SCNN1D: variants seen among roughly 807,000 people sequenced by gnomAD.
SCNN1D encodes the protein epithelial sodium channel subunit delta.
A neutral mutation model predicts 87.8 loss-of-function variants in SCNN1D; 104 were observed. That is an observed-to-expected ratio of 1.18 (90% CI 1.01 to 1.39). SCNN1D has a LOEUF of 1.39. Ranked by LOEUF, SCNN1D falls within the 40% of genes most tolerant of loss-of-function variation. SCNN1D has a pLI of 0.00. For missense variants in SCNN1D, 1,324 were observed against 1,093.9 expected (o/e 1.21, Z -2.97); for synonymous variants, 628 against 481.2 (o/e 1.31, Z -3.99).
intron 12 of SCNN1D, among the ~76,000 whole-genome samples, 185 bp downstream of exon 12, chr1:1,288,222 C>CCCGTGTCTCTGCTCCATTCCCT (rs1491260260): frequency 7.7e-6 from 1 of 129,502 alleles, no homozygotes; most frequent in African/African-American, 2.9e-5. Flanking sequence ...TGCTCCGTCC[C>CCCGTGTCTCTGCTCCATTCCCT]GTGTCTCTGC....
At position 1,281,595 on chromosome 1, in the gene SCNN1D, CAG is replaced by C; in HGVS notation, c.263_264del (p.Gln88ArgfsTer8). 6.5e-7 allele frequency: 1 copy of C among 1,535,626 alleles called. No homozygotes were observed. The highest frequency in any genetic ancestry group is 8.7e-7 in the Non-Finnish European group (1 of 1,146,696). On this transcript the variant is annotated frameshift_variant, in exon 3 of 18. Transcript: ENST00000379116. LOFTEE classifies it high-confidence loss of function. ...YPLCLLSGPI[Q>X]GCGTGLGDSS... The stretch of plus-strand genomic sequence containing the variant: ...CCTCTGCCTACTCTCTGGCCCGATA[CAG>C]GGGTGTGGGACAGGTGACTGAACCT...
At chr1:1,285,536 C>A in intron 5 of SCNN1D, 35 bp from the exon 6 acceptor site, 1 of 1,386,242 alleles carries the variant, frequency 7.2e-7, no homozygotes. Context: ...CCACGCGGGG[C>A]GCATGGACAC....
In SCNN1D at chr1:1,280,596, C is replaced by A; in HGVS notation, c.-66C>A. 1 of 691,850 alleles carries A rather than the reference C, an allele frequency of 1.4e-6. No individual in the cohort carries two copies. The highest frequency in any genetic ancestry group is 2.6e-6 in the Non-Finnish European group (1 of 377,438). 42.9% of individuals were successfully genotyped at this position (691,850 alleles called of 1,614,324 possible). A position where few individuals can be genotyped will look rare whatever the true frequency, so the allele number is the denominator to read the frequency against. ...CCTCAGAGAGAATCAACTATAAATGCTTCTCATCAGACTCAAGGCCTGAGG... is the reference window on the plus strand; with the variant it reads ...CCTCAGAGAGAATCAACTATAAATGATTCTCATCAGACTCAAGGCCTGAGG... On this transcript the variant is annotated 5_prime_UTR_variant, in exon 1 of 18. Transcript: ENST00000379116.
rs375452225 is a variant in SCNN1D, at chr1:1,287,749, G to C, written c.1476G>C (p.Met492Ile). ...CCACGCTGGCCGGCATCAGGGTCATGGTTCACGGCCGTAACCACACGCCCT... is the reference window on the plus strand; with the variant it reads ...CCACGCTGGCCGGCATCAGGGTCATCGTTCACGGCCGTAACCACACGCCCT... ...LLSTLAGIRV[M>I]VHGRNHTPFL... Residue 492 changes from methionine to isoleucine, a missense_variant, in exon 11 of 18, where the codon ATG (methionine) becomes ATC (isoleucine). By Grantham distance (10) the Met-to-Ile change is conservative (BLOSUM62 1). Transcript: ENST00000379116. 2.4e-5 allele frequency: 39 copies of C among 1,606,074 alleles called. No individual in the cohort carries two copies. In the African/African-American group the frequency reaches 4.4e-4, roughly 18 times the overall value.
chr1:1,290,797 C>G, intron 15 of SCNN1D, 98 bp from the exon 16 acceptor site: 1 of 1,576,624 alleles, frequency 6.3e-7, no homozygotes, highest in Non-Finnish European at 8.7e-7. Context: ...ACTGACCCAG[C>G]CTATGCCCCG....
intron 7 of SCNN1D, 90 bp from the exon 8 acceptor site, chr1:1,286,678 G>A (rs373338307): frequency 2.4e-6 from 3 of 1,238,126 alleles, no homozygotes; most frequent in African/African-American, 1.5e-5. Context: ...AGTAGGGGAG[G>A]CACTGCTGTC....
At chr1:1,282,909 C>T (rs1053065203) in intron 4 of SCNN1D, among the ~76,000 whole-genome samples, 8 of 152,010 alleles carry the variant, frequency 5.3e-5, no homozygotes, top group Admixed American at 2.6e-4. Context: ...CCTGCCACCG[C>T]GCCCACCTAA....
intron 3 of SCNN1D, 30 bp from the exon 4 acceptor site, chr1:1,282,212 C>G (rs1640483682): frequency 1.6e-6 from 2 of 1,257,114 alleles, no homozygotes; most frequent in Non-Finnish European, 2.3e-6. Context: ...GAAGGCCACA[C>G]AGCCAGTGAC....
chr1:1,280,841 C>T (rs747740782), intron 1 of SCNN1D, 175 bp downstream of exon 1: 49 of 591,242 alleles, frequency 8.3e-5, no homozygotes, highest in Non-Finnish European at 1.3e-4. Flanking sequence ...CAGCAGGGGA[C>T]ACCGGCCAGA....
chr1:1,280,529 C>G lies in SCNN1D; in HGVS notation c.-133C>G, dbSNP rs1640449127. 5 of 634,746 alleles carry G rather than the reference C, an allele frequency of 7.9e-6. No individual in the cohort carries two copies. In the East Asian group the frequency reaches 1.4e-4, roughly 18 times the overall value. The allele number at this position is 634,746 out of a possible 1,614,324, so 39.3% of individuals were successfully genotyped here. ...TGTCTGGTTACAGTATGGCGTTGTGCAGATGAAGGTCTTATCGCAGATGAA... is the reference window on the plus strand; with the variant it reads ...TGTCTGGTTACAGTATGGCGTTGTGGAGATGAAGGTCTTATCGCAGATGAA... On this transcript the variant is annotated 5_prime_UTR_variant, in exon 1 of 18. Coordinates refer to ENST00000379116, the MANE Select transcript of SCNN1D (RefSeq NM_001130413.4).
At chr1:1,288,059 G>T in intron 12 of SCNN1D, 22 bp downstream of exon 12, 3 of 1,499,854 alleles carry the variant, frequency 2.0e-6, no homozygotes, top group Non-Finnish European at 2.7e-6. Context: ...CTGGCAGGGG[G>T]TGCGGGGGCA....
Position 1,286,184 on chromosome 1 carries a change from C to G in SCNN1D, c.817C>G (p.Arg273Gly), listed in dbSNP as rs61740392. The change falls in exon 7 of 18, where the codon CGT becomes GGT. Residue 273 changes from arginine (R) to glycine (G), a missense_variant. Arg to Gly is a moderately radical substitution (Grantham distance 125). Transcript: ENST00000379116. The stretch of plus-strand genomic sequence containing the variant: ...CTGGCAGCTGGGGCTCCTCTTTGAG[C>G]GTCACTGGCACCGCCCGGTCCTCAT... ...LCWQLGLLFE[R>G]HWHRPVLMAV... The G allele has an allele frequency of 6.2e-7, 1 of 1,603,832 alleles. No individual in the cohort carries two copies. The highest frequency in any genetic ancestry group is 8.5e-7 in the Non-Finnish European group (1 of 1,178,324).
Position 1,288,005 on chromosome 1 carries a change from G to A in SCNN1D, c.1630G>A (p.Glu544Lys), listed in dbSNP as rs2228579. The change falls in exon 12 of 18, where the codon GAG becomes AAG. Residue 544 changes from glutamate (E) to lysine (K), a missense_variant. Coordinates refer to ENST00000379116, the MANE Select transcript of SCNN1D (RefSeq NM_001130413.4). ...CGCCGGCGGGGAAGGCGTGGAGGTG[G>A]AGCTGCTACACAACACCTCCTACAC... ...CTAGGEGVEV[E>K]LLHNTSYTRQ... is the part of the protein sequence containing the mutation. The A allele has an allele frequency of 1.3e-6, 2 of 1,546,196 alleles. No individual in the cohort carries two copies. Among genetic ancestry groups the A allele is most frequent in the Middle Eastern group, 1.8e-4 (1 of 5,708 alleles).
At chr1:1,290,436 G>A (rs549610437) in intron 13 of SCNN1D, 41 bp from the exon 14 acceptor site, 10 of 1,611,666 alleles carry the variant, frequency 6.2e-6, no homozygotes, top group East Asian at 4.5e-5. Flanking sequence ...TAGCCGGGGG[G>A]TCACAGCGAG....
intron 12 of SCNN1D, among the ~76,000 whole-genome samples, chr1:1,288,658 C>CCCCA (rs1304246281): frequency 1.7e-5 from 2 of 120,314 alleles, no homozygotes; most frequent in Non-Finnish European, 1.7e-5. Context: ...CGTGTCTCTG[C>CCCCA]TCCGTCCCGT....
rs1247265398 is a variant in SCNN1D at position 1,284,570 on chromosome 1, ACCACGGGGGGTGCCGAGCG to A, written c.464+481_464+499del. Among the ~76,000 whole-genome samples the A allele has an allele frequency of 4.9e-5, 7 of 144,162 alleles. No individual in the cohort carries two copies. The South Asian group carries it at 6.6e-4, about 14-fold the overall frequency. 94.6% of individuals were successfully genotyped at this position (144,162 alleles called of 152,430 possible). A position where few individuals can be genotyped will look rare whatever the true frequency, so the allele number is the denominator to read the frequency against. On this transcript the variant is annotated intron_variant, in intron 5 of 17. Coordinates refer to ENST00000379116, the MANE Select transcript of SCNN1D (RefSeq NM_001130413.4). ...ACGGGGGGTGCACAGCGTGTGCTGGACCACGGGGGGTGCCGAGCGTGTGCTGGACCACGGGGGGTGCCGA... is the reference window on the plus strand; with the variant it reads ...ACGGGGGGTGCACAGCGTGTGCTGGATGTGCTGGACCACGGGGGGTGCCGA...
chr1:1,289,883 T>C (rs1640727642), intron 12 of SCNN1D, among the ~76,000 whole-genome samples: 1 of 33,464 alleles, frequency 3.0e-5, no homozygotes, highest in African/African-American at 2.5e-4. Context: ...CCCGTGTCTC[T>C]GCTCCGTCCC....
At chr1:1,290,828 G>T in intron 15 of SCNN1D, 67 bp from the exon 16 acceptor site, 3 of 1,587,958 alleles carry the variant, frequency 1.9e-6, no homozygotes, top group African/African-American at 1.3e-5. Flanking sequence ...CCCCACATCC[G>T]CCCGTGGTAC....
rs935071709 is a variant in SCNN1D, at chr1:1,282,262, G to A, written c.298G>A (p.Ala100Thr). Residue 100 changes from alanine to threonine, a missense_variant, in exon 4 of 18, where the codon GCT (alanine) becomes ACT (threonine). Coordinates refer to ENST00000379116, the MANE Select transcript of SCNN1D (RefSeq NM_001130413.4). ...CACAGGCCTGGGTGACTCCAGCATG[G>A]CTTTCCTCTCCAGGACGTCACCGGT... Reference protein sequence around the residue: ...CGTGLGDSSMAFLSRTSPVAA... With the variant: ...CGTGLGDSSMTFLSRTSPVAA... The A allele has an allele frequency of 6.5e-7, 1 of 1,546,602 alleles. No homozygotes were observed. Among genetic ancestry groups the A allele is most frequent in the African/African-American group, 1.4e-5 (1 of 72,974 alleles).
Sources: gnomAD v4.1 joint callset for allele counts (sites outside exome capture counted in the v4.1 genomes callset) on GRCh38, gnomAD v4.1.1 for gene constraint, MANE v1.5 for transcripts, NCBI Gene and HGNC (gene_info 2026-07-23, HGNC 2026-07-21) for gene names.